Variants in SCUBE3 observed in about 807,000 individuals in gnomAD.
The protein encoded by SCUBE3 is signal peptide, CUB and EGF-like domain-containing protein 3.
SCUBE3 carries 33 observed loss-of-function variants against 116.8 expected under a neutral mutation model. The observed-to-expected ratio is 0.28, with a 90% CI of 0.21 to 0.38. SCUBE3 has a LOEUF of 0.38. Among genes scored for constraint, SCUBE3 ranks in the 10% least tolerant of loss-of-function variants. SCUBE3 has a pLI of 1.00. For synonymous variants in SCUBE3, 418 were observed against 496.9 expected (o/e 0.84, Z 2.11); for missense variants, 1,007 against 1,324.8 (o/e 0.76, Z 3.72).
intron 2 of SCUBE3, 33 bp downstream of exon 2, chr6:35,227,735 C>T (rs1783385877): frequency 3.7e-6 from 6 of 1,612,768 alleles, no homozygotes; most frequent in Non-Finnish European, 5.1e-6. Context: ...AGGAGAGGGA[C>T]CTGTGGAAGA....
In SCUBE3 at chr6:35,243,809, A is replaced by G; in HGVS notation, c.2071+54A>G. 28 of 1,580,512 alleles carry G rather than the reference A, an allele frequency of 1.8e-5. No individual in the cohort carries two copies. Among genetic ancestry groups the G allele is most frequent in the Non-Finnish European group, 2.4e-5 (28 of 1,153,908 alleles). ...GGGTAGGGTGGGCACTGGGATGCCC[A>G]TGGGCATGGGATTTCCCAAAGGGCA... On this transcript the variant is annotated intron_variant, in intron 16 of 21. Coordinates refer to ENST00000274938, the MANE Select transcript of SCUBE3 (RefSeq NM_152753.4). The surrounding 1 kb of genome is among the most constrained non-coding windows in gnomAD (Gnocchi z 6.6).
intron 2 of SCUBE3, 120 bp downstream of exon 2, chr6:35,227,822 G>T: frequency 1.9e-6 from 2 of 1,045,072 alleles, no homozygotes; most frequent in Non-Finnish European, 2.8e-6. Context: ...GTCAAGTGGT[G>T]GGGGGGTGGT....
Position 35,227,660 on chromosome 6 carries a change from A to G in SCUBE3, c.166A>G (p.Ile56Val), listed in dbSNP as rs761299703. The G allele has an allele frequency of 1.2e-6, 2 of 1,614,178 alleles. No homozygotes were observed. Among genetic ancestry groups the G allele is most frequent in the South Asian group, 1.1e-5 (1 of 91,086 alleles). ...CQNTPRSYKC[I>V]CKSGYTGDGK... Reference sequence around the variant, plus strand: ...GAACACCCCGAGGTCATACAAGTGCATCTGCAAGTCTGGCTACACAGGGGA... The same window carrying G: ...GAACACCCCGAGGTCATACAAGTGCGTCTGCAAGTCTGGCTACACAGGGGA... The change falls in exon 2 of 22, where the codon ATC becomes GTC. Residue 56 changes from isoleucine (I) to valine (V), a missense_variant. By Grantham distance (29) the Ile-to-Val change is conservative (BLOSUM62 3). Around this residue, in one of 5 missense-constraint regions of SCUBE3, gnomAD observed 94 missense variants for 92.0 expected, o/e 1.02. Transcript: ENST00000274938.
chr6:35,218,202 A>T (rs1782998726), intron 1 of SCUBE3: 2 of 967,582 alleles, frequency 2.1e-6, no homozygotes, highest in African/African-American at 1.8e-5. Flanking sequence ...CCTGGGTGTG[A>T]GTTTGGGAAT....
Position 35,240,428 on chromosome 6 carries a change from C to T in SCUBE3, c.1007C>T (p.Pro336Leu). Reference sequence around the variant, plus strand: ...TGTGACCACATATGTGTCAACACACCAGGAAGCTTCCAGTGTCTCTGCCAT... The same window carrying T: ...TGTGACCACATATGTGTCAACACACTAGGAAGCTTCCAGTGTCTCTGCCAT... ...RTCDHICVNT[P>L]GSFQCLCHRG... is the part of the protein sequence containing the mutation. The change falls in exon 9 of 22, where the codon CCA (proline) becomes CTA (leucine). Residue 336 changes from proline (P) to leucine (L), a missense_variant. Pro to Leu is a moderately conservative substitution (Grantham distance 98). Coordinates refer to ENST00000274938, the MANE Select transcript of SCUBE3 (RefSeq NM_152753.4). This position sits in a 1 kb window ranked among gnomAD's most constrained non-coding sequence, Gnocchi z 4.6. 6.2e-7 allele frequency: 1 copy of T among 1,610,650 alleles called. No homozygotes were observed. The highest frequency in any genetic ancestry group is 8.5e-7 in the Non-Finnish European group (1 of 1,178,224).
Position 35,250,657 on chromosome 6 carries a change from C to A in SCUBE3, c.*1952C>A, listed in dbSNP as rs1158111326. 6.6e-6 allele frequency: 1 copy of A among 152,078 alleles called. No homozygotes were observed. Among genetic ancestry groups the A allele is most frequent in the Non-Finnish European group, 1.5e-5 (1 of 68,026 alleles). The allele number at this position is 152,078 out of a possible 1,614,324, so 9.4% of individuals were successfully genotyped here. On this transcript the variant is annotated 3_prime_UTR_variant, in exon 22 of 22. Transcript: ENST00000274938. Reference sequence around the variant, plus strand: ...TTCTGTTTTCTCACTCTAGTTCCCCCAAAGCTGTAGTCCCAATCAATCAAA... The same window carrying A: ...TTCTGTTTTCTCACTCTAGTTCCCCAAAAGCTGTAGTCCCAATCAATCAAA...
chr6:35,232,890 C>T lies in SCUBE3; in HGVS notation c.510C>T (p.His170=), dbSNP rs1783610118. The change falls in exon 5 of 22, where the codon CAC becomes CAT. Residue 170 remains histidine, a synonymous_variant. Transcript: ENST00000274938. This position sits in a 1 kb window ranked among gnomAD's most constrained non-coding sequence, Gnocchi z 4.2. ...NCMNKNHGCA[H]ICRETPKGGI... is the part of the protein sequence containing the mutation. ...TGAACAAGAACCACGGCTGTGCCCA[C>T]ATTTGCCGGGAGACACCCAAGGGGG... is the stretch of plus-strand genomic sequence containing the variant. 2 of 1,614,146 alleles carry T rather than the reference C, an allele frequency of 1.2e-6. No individual in the cohort carries two copies. The highest frequency in any genetic ancestry group is 1.7e-5 in the Admixed American group (1 of 60,026).
Position 35,237,977 on chromosome 6 carries a change from C to T in SCUBE3, c.788C>T (p.Pro263Leu), listed in dbSNP as rs762436557. The stretch of plus-strand genomic sequence containing the variant: ...GCGACTGGTGTCCACTGCACCTGCC[C>T]TGTGGGCTTCATGCTGCAGCCAGAC... The part of the protein sequence containing the change: ...DAATGVHCTC[P>L]VGFMLQPDRK... Residue 263 changes from proline to leucine, a missense_variant, in exon 7 of 22, where the codon CCT becomes CTT. By Grantham distance (98) the Pro-to-Leu change is moderately conservative (BLOSUM62 -3). Coordinates refer to ENST00000274938, the MANE Select transcript of SCUBE3 (RefSeq NM_152753.4). 1 of 1,612,078 alleles carries T rather than the reference C, an allele frequency of 6.2e-7. No homozygotes were observed. Among genetic ancestry groups the T allele is most frequent in the African/African-American group, 1.3e-5 (1 of 75,006 alleles).
rs959230576 is a variant in SCUBE3, at chr6:35,245,551, G to C, written c.2599+126G>C. ...GTTAGGGATCTATGAGGGTGAAATA[G>C]TGAGAGGCCTTTAGGAAGAGAGAAG... On this transcript the variant is annotated intron_variant, in intron 19 of 21. Transcript: ENST00000274938. The surrounding 1 kb of genome is among the most constrained non-coding windows in gnomAD (Gnocchi z 4.2). 1 of 742,112 alleles carries C rather than the reference G, an allele frequency of 1.3e-6. No individual in the cohort carries two copies. Among genetic ancestry groups the C allele is most frequent in the Non-Finnish European group, 2.3e-6 (1 of 439,550 alleles). 46.0% of individuals were successfully genotyped at this position (742,112 alleles called of 1,614,324 possible).
intron 1 of SCUBE3, chr6:35,223,826 G>A (rs1783208660): frequency 2.0e-5 from 3 of 152,356 alleles, no homozygotes; most frequent in South Asian, 4.1e-4. Flanking sequence ...GTAAAAGGAG[G>A]AGATACTGGG....
At position 35,217,904 on chromosome 6, in the gene SCUBE3, C is replaced by G. The variant is rs6940626; in HGVS notation, c.85+3401C>G. 5.7e-3 allele frequency among the ~76,000 whole-genome samples: 871 copies of G among 152,292 alleles called. 8 individuals are homozygous for G. The highest frequency in any genetic ancestry group is 0.017 in the African/African-American group (690 of 41,542). On this transcript the variant is annotated intron_variant, in intron 1 of 21. Transcript: ENST00000274938. ...AATTCCTCAGGAATCCCTTTGACCT[C>G]TCTTCTCTCATGACATGTCTCAGAG...
At chr6:35,218,082 GTCA>G in intron 1 of SCUBE3, 1 of 965,956 alleles carries the variant, frequency 1.0e-6, no homozygotes, top group Non-Finnish European at 1.2e-6. Flanking sequence ...AAAGAAGACA[GTCA>G]TCAGCAGCCC....
In SCUBE3 at chr6:35,235,808, A is replaced by T. The variant is rs951809916; in HGVS notation, c.713-2094A>T. On this transcript the variant is annotated intron_variant, in intron 6 of 21. Coordinates refer to ENST00000274938, the MANE Select transcript of SCUBE3 (RefSeq NM_152753.4). The surrounding 1 kb of genome is among the most constrained non-coding windows in gnomAD (Gnocchi z 4.5). ...CCCCACTCCCAGCCATCTGCTCCCC[A>T]CCCCCCTCTACCCAGCCAGCCTCAT... 1.0e-5 allele frequency among the ~76,000 whole-genome samples: 1 copy of T among 98,360 alleles called. No homozygotes were observed. Among genetic ancestry groups the T allele is most frequent in the African/African-American group, 4.0e-5 (1 of 24,776 alleles). The allele number at this position is 98,360 out of a possible 152,430, so 64.5% of individuals were successfully genotyped here. A position where few individuals can be genotyped will look rare whatever the true frequency, so the allele number is the denominator to read the frequency against.
rs2150294378 is a variant in SCUBE3 at position 35,228,807 on chromosome 6, T to TGTGGAGGG, written c.334+68_334+69insGTGGAGGG. On this transcript the variant is annotated intron_variant, in intron 3 of 21. Transcript: ENST00000274938. The surrounding 1 kb of genome is among the most constrained non-coding windows in gnomAD (Gnocchi z 4.9). Reference sequence around the variant, plus strand: ...AGAAAGAGATCTTTTCAGCATTTCCTATTTCCCAGGGAAGGAGGAGAGAGT... The same window carrying TGTGGAGGG: ...AGAAAGAGATCTTTTCAGCATTTCCTGTGGAGGGATTTCCCAGGGAAGGAGGAGAGAGT... 1 of 1,519,656 alleles carries TGTGGAGGG rather than the reference T, an allele frequency of 6.6e-7. No individual in the cohort carries two copies. Among genetic ancestry groups the TGTGGAGGG allele is most frequent in the African/African-American group, 1.4e-5 (1 of 73,170 alleles). The allele number at this position is 1,519,656 out of a possible 1,614,324, so 94.1% of individuals were successfully genotyped here.
chr6:35,231,906 T>G lies in SCUBE3; in HGVS notation c.469+47T>G. ...GCCCCATCCCTGCCCTCCCCAGGCT[T>G]CTCTTCCCAGCTGTCCCTCAGCAGC... On this transcript the variant is annotated intron_variant, in intron 4 of 21. Coordinates refer to ENST00000274938, the MANE Select transcript of SCUBE3 (RefSeq NM_152753.4). The surrounding 1 kb of genome is among the most constrained non-coding windows in gnomAD (Gnocchi z 4.2). 1 of 1,550,492 alleles carries G rather than the reference T, an allele frequency of 6.4e-7. No homozygotes were observed. Among genetic ancestry groups the G allele is most frequent in the Non-Finnish European group, 8.8e-7 (1 of 1,134,402 alleles).
At position 35,243,886 on chromosome 6, in the gene SCUBE3, GT is replaced by G; in HGVS notation, c.2072-76del. The stretch of plus-strand genomic sequence containing the variant: ...GTCAACATCCTGTTTGTATACCTTT[GT>G]CCCCTGAGATCGGGTGACCCCATGG... On this transcript the variant is annotated intron_variant, in intron 16 of 21. Coordinates refer to ENST00000274938, the MANE Select transcript of SCUBE3 (RefSeq NM_152753.4). This position sits in a 1 kb window ranked among gnomAD's most constrained non-coding sequence, Gnocchi z 6.6. 1.9e-6 allele frequency: 3 copies of G among 1,539,134 alleles called. No individual in the cohort carries two copies. Among genetic ancestry groups the G allele is most frequent in the Non-Finnish European group, 2.7e-6 (3 of 1,124,776 alleles).
At position 35,241,802 on chromosome 6, in the gene SCUBE3, TCA is replaced by T. The variant is rs1179705487; in HGVS notation, c.1313-3_1313-2del. The T allele has an allele frequency of 6.2e-7, 1 of 1,611,602 alleles. No individual in the cohort carries two copies. Among genetic ancestry groups the T allele is most frequent in the Admixed American group, 1.7e-5 (1 of 60,028 alleles). ...TCAGAACTGTGACAGGCTCCTTTTCTCAGAGTCTGAGAATGGCTTCACGGTGA... is the reference window on the plus strand; with the variant it reads ...TCAGAACTGTGACAGGCTCCTTTTCTGAGTCTGAGAATGGCTTCACGGTGA... On this transcript the variant is annotated splice_acceptor_variant and splice_polypyrimidine_tract_variant and intron_variant, in intron 11 of 21. Coordinates refer to ENST00000274938, the MANE Select transcript of SCUBE3 (RefSeq NM_152753.4). LOFTEE classifies it high-confidence loss of function. This position sits in a 1 kb window ranked among gnomAD's most constrained non-coding sequence, Gnocchi z 4.1.
Position 35,239,523 on chromosome 6 carries a change from G to C in SCUBE3, c.830-229G>C, listed in dbSNP as rs1328422269. ...TATAAGAACACTCAATCCCAGAAGA[G>C]AGGGTGTTACTAATGGCCACAGATC... On this transcript the variant is annotated intron_variant, in intron 7 of 21. Coordinates refer to ENST00000274938, the MANE Select transcript of SCUBE3 (RefSeq NM_152753.4). This position sits in a 1 kb window ranked among gnomAD's most constrained non-coding sequence, Gnocchi z 4.1. Among the ~76,000 whole-genome samples the C allele has an allele frequency of 6.6e-6, 1 of 152,138 alleles. No individual in the cohort carries two copies. The highest frequency in any genetic ancestry group is 1.9e-4 in the East Asian group (1 of 5,192).
intron 1 of SCUBE3, among the ~76,000 whole-genome samples, chr6:35,226,786 G>A: frequency 6.6e-6 from 1 of 152,058 alleles, no homozygotes. Context: ...CATCATCTAT[G>A]TCCTTTCCTA....
Sources: allele counts gnomAD v4.1 joint callset (sites outside exome capture counted in the v4.1 genomes callset), GRCh38; gene constraint gnomAD v4.1.1; regional missense constraint gnomAD v4.1.1; non-coding constraint Gnocchi (gnomAD v3.1); transcripts MANE v1.5; gene names NCBI Gene and HGNC (gene_info 2026-07-23, HGNC 2026-07-21).